TTBK1: variants seen among roughly 807,000 people sequenced by gnomAD.
The protein encoded by TTBK1 is tau-tubulin kinase 1.
A neutral mutation model predicts 108.5 loss-of-function variants in TTBK1; 34 were observed. That is an observed-to-expected ratio of 0.31 (90% confidence interval 0.24 to 0.42). The LOEUF (loss-of-function observed/expected upper bound fraction) is 0.42, where lower values mean the gene tolerates loss of function less well. Among genes scored for constraint, TTBK1 ranks in the 10% least tolerant of loss-of-function variants. TTBK1 has a pLI of 1.00. For synonymous variants in TTBK1, 809 were observed against 795.1 expected, an observed-to-expected ratio of 1.02 and a Z score of -0.29; for missense variants, 1,539 against 1,826.0, an observed-to-expected ratio of 0.84 and a Z score of 2.86.
chr6:43,254,212 C>A (rs1044235046), intron 5 of TTBK1, among the ~76,000 whole-genome samples: 1 of 152,252 alleles, frequency 6.6e-6, no homozygotes, highest in African/African-American at 2.4e-5. Context: ...GGCAGCCACA[C>A]CAGTTACACC....
At chr6:43,251,724 G>T (rs558253898) in intron 2 of TTBK1, among the ~76,000 whole-genome samples, 1 of 152,290 alleles carries the variant, frequency 6.6e-6, no homozygotes, top group East Asian at 1.9e-4. Context: ...GGGTCAGACC[G>T]CTGCTCCATT....
At position 43,279,448 on chromosome 6, in the gene TTBK1, G is replaced by C. The variant is rs538347570; in HGVS notation, c.1987-3279G>C. ...TGCTGGTGCCAGTTGGGTGAGTTCAGAGGTGGTTGGGAGAGAGACATGCTC... is the reference window on the plus strand; with the variant it reads ...TGCTGGTGCCAGTTGGGTGAGTTCACAGGTGGTTGGGAGAGAGACATGCTC... On this transcript the variant is annotated intron_variant, in intron 13 of 14. Transcript: ENST00000259750. 3.3e-5 allele frequency among the ~76,000 whole-genome samples: 5 copies of C among 152,288 alleles called. No individual in the cohort carries two copies. The South Asian group carries it at 1.0e-3, about 32-fold the overall frequency.
chr6:43,248,312 TC>T (rs1259358031), intron 2 of TTBK1, among the ~76,000 whole-genome samples: 1 of 152,026 alleles, frequency 6.6e-6, no homozygotes, highest in African/African-American at 2.4e-5. Context: ...TTCAGCCTGT[TC>T]CAAGTGAGGA....
chr6:43,247,321 C>T (rs960989616), intron 2 of TTBK1, among the ~76,000 whole-genome samples: 1 of 152,196 alleles, frequency 6.6e-6, no homozygotes, highest in Non-Finnish European at 1.5e-5. Context: ...TCCTCCAGCC[C>T]GGGGCTTCGG....
rs757208521 is a variant in TTBK1 at position 43,283,484 on chromosome 6, G to A, written c.2744G>A (p.Gly915Asp). Residue 915 changes from glycine (G) to aspartate (D), a missense_variant, in exon 14 of 15, where the codon GGC (glycine) becomes GAC (aspartate). Gly to Asp is a moderately conservative substitution (Grantham distance 94, BLOSUM62 -1). Coordinates refer to ENST00000259750, the MANE Select transcript of TTBK1 (RefSeq NM_032538.3). The surrounding 1 kb of genome is among the most constrained non-coding windows in gnomAD (Gnocchi z 8.1). ...GAGTVTTGVG[G>D]VAVTSSPFTK... ...GGGACAGTGACCACAGGGGTCGGGG[G>A]CGTGGCAGTCACCTCCTCACCCTTC... The A allele has an allele frequency of 1.2e-6, 2 of 1,614,138 alleles. No homozygotes were observed. The highest frequency in any genetic ancestry group is 2.2e-5 in the South Asian group (2 of 91,090).
chr6:43,245,656 T>A (rs1436297342), intron 1 of TTBK1, among the ~76,000 whole-genome samples: 1 of 152,092 alleles, frequency 6.6e-6, no homozygotes, highest in Non-Finnish European at 1.5e-5. Flanking sequence ...TGCCTGTCTT[T>A]CCCAACCCCC....
chr6:43,271,500 T>G (rs1181782953), intron 13 of TTBK1: 3 of 985,338 alleles, frequency 3.0e-6, no homozygotes, highest in Non-Finnish European at 3.6e-6. Context: ...CCTATGTAGC[T>G]ACTCTCATCC....
intron 2 of TTBK1, among the ~76,000 whole-genome samples, chr6:43,249,380 G>A (rs1777180162): frequency 6.6e-6 from 1 of 152,136 alleles, no homozygotes; most frequent in African/African-American, 2.4e-5. Context: ...GTGGAGAAAA[G>A]GGAGACTGAG....
intron 2 of TTBK1, among the ~76,000 whole-genome samples, chr6:43,250,472 T>C (rs1289368917): frequency 2.7e-5 from 4 of 148,998 alleles, no homozygotes; most frequent in Non-Finnish European, 5.9e-5. Context: ...TTCTCCTGCC[T>C]CAGCATCCCA....
Position 43,282,960 on chromosome 6 carries a change from A to AGATGAGGAAGAGGAAGAAGAG in TTBK1, c.2232_2252dup (p.Asp748_Glu754dup). ...AGGAGGAAGAGGAGGAGGAGGAGGA[A>AGATGAGGAAGAGGAAGAAGAG]GATGAGGAAGAGGAAGAAGAGGATG... On this transcript the variant is annotated inframe_insertion, in exon 14 of 15. Transcript: ENST00000259750. This position sits in a 1 kb window ranked among gnomAD's most constrained non-coding sequence, Gnocchi z 5.4. The AGATGAGGAAGAGGAAGAAGAG allele has an allele frequency of 1.9e-6, 3 of 1,606,530 alleles. No individual in the cohort carries two copies. Among genetic ancestry groups the AGATGAGGAAGAGGAAGAAGAG allele is most frequent in the Non-Finnish European group, 2.6e-6 (3 of 1,175,102 alleles).
Position 43,276,716 on chromosome 6 carries a change from A to T in TTBK1, c.1987-6011A>T, listed in dbSNP as rs1778009904. 6.6e-6 allele frequency among the ~76,000 whole-genome samples: 1 copy of T among 152,016 alleles called. No individual in the cohort carries two copies. The highest frequency in any genetic ancestry group is 1.5e-5 in the Non-Finnish European group (1 of 67,986). On this transcript the variant is annotated intron_variant, in intron 13 of 14. Transcript: ENST00000259750. This position sits in a 1 kb window ranked among gnomAD's most constrained non-coding sequence, Gnocchi z 5.4. ...CCTCCCCCTTCCTTTCCCAGCTCTC[A>T]GTGTAGACCCTGGCTCTGAGGTCGC...
chr6:43,246,575 C>G, intron 1 of TTBK1, 32 bp from the exon 2 acceptor site: 1 of 1,048,824 alleles, frequency 9.5e-7, no homozygotes, highest in East Asian at 2.6e-5. Flanking sequence ...GGGTCCGCAG[C>G]CCGCCCTCAC....
At chr6:43,279,754 GTTT>G (rs974825409) in intron 13 of TTBK1, among the ~76,000 whole-genome samples, 12 of 141,030 alleles carry the variant, frequency 8.5e-5, no homozygotes, top group African/African-American at 2.2e-4. Context: ...AGGGGACAAA[GTTT>G]TTTGTTGTTG....
In TTBK1 at chr6:43,246,729, C is replaced by G. The variant is rs1281997803; in HGVS notation, c.69C>G (p.Ile23Met). ...NMSGGGEQAD[I>M]LPANYVVKDR... ...GTGGGGGAGGGGAGCAGGCCGACAT[C>G]CTGCCGGCCAACTACGTGGTCAAGG... Residue 23 changes from isoleucine (I) to methionine (M), a missense_variant, in exon 2 of 15, where the codon ATC (isoleucine) becomes ATG (methionine). Around this residue, in one of 5 missense-constraint regions of TTBK1, gnomAD observed 45 missense variants for 38.0 expected, o/e 1.19. Coordinates refer to ENST00000259750, the MANE Select transcript of TTBK1 (RefSeq NM_032538.3). 6.2e-7 allele frequency: 1 copy of G among 1,611,606 alleles called. No homozygotes were observed. The highest frequency in any genetic ancestry group is 1.3e-5 in the African/African-American group (1 of 74,774).
rs1356995113 is a variant in TTBK1, at chr6:43,259,642, G to T, written c.1360G>T (p.Val454Leu). The T allele has an allele frequency of 1.9e-6, 3 of 1,609,998 alleles. No homozygotes were observed. Among genetic ancestry groups the T allele is most frequent in the East Asian group, 2.2e-5 (1 of 44,714 alleles). Reference sequence around the variant, plus strand: ...AGTCCGTTCTCTGCGCTACCGGAGGGTGAACAGCCCTGAGTCAGAAAGGCT... The same window carrying T: ...AGTCCGTTCTCTGCGCTACCGGAGGTTGAACAGCCCTGAGTCAGAAAGGCT... ...TPVRSLRYRR[V>L]NSPESERLST... Residue 454 changes from valine to leucine, a missense_variant, in exon 12 of 15, where the codon GTG becomes TTG. Val to Leu is a conservative substitution (Grantham distance 32). Around this residue, in one of 5 missense-constraint regions of TTBK1, gnomAD observed 277 missense variants for 332.4 expected, o/e 0.83. Transcript: ENST00000259750. This position sits in a 1 kb window ranked among gnomAD's most constrained non-coding sequence, Gnocchi z 6.7.
intron 13 of TTBK1, among the ~76,000 whole-genome samples, chr6:43,266,604 G>T (rs1338734746): frequency 1.3e-5 from 2 of 151,908 alleles, no homozygotes; most frequent in Non-Finnish European, 1.5e-5. Context: ...TTCCGTCTGA[G>T]GTCTGTGAAT....
chr6:43,250,869 C>T (rs562267190), intron 2 of TTBK1, among the ~76,000 whole-genome samples: 2 of 152,312 alleles, frequency 1.3e-5, no homozygotes, highest in South Asian at 4.1e-4. Context: ...CACAAGCAAA[C>T]CTTAAAGGAA....
At position 43,244,177 on chromosome 6, in the gene TTBK1, C is replaced by A. The variant is rs529254029; in HGVS notation, c.-55+469C>A. 3.3e-5 allele frequency among the ~76,000 whole-genome samples: 5 copies of A among 152,050 alleles called. 1 individual carries two copies. In the South Asian group the frequency reaches 1.0e-3, roughly 32 times the overall value. On this transcript the variant is annotated intron_variant, in intron 1 of 14. Transcript: ENST00000259750. ...TATCTCTCACGGGTCTCTATCCTAC[C>A]CACCCCTCTCCTCTGATCCTGTCGC...
rs1201190506 is a variant in TTBK1, at chr6:43,273,682, G to C, written c.1987-9045G>C. Among the ~76,000 whole-genome samples the C allele has an allele frequency of 1.3e-5, 2 of 152,206 alleles. No individual in the cohort carries two copies. Among genetic ancestry groups the C allele is most frequent in the Admixed American group, 1.3e-4 (2 of 15,286 alleles). ...GCAGGTTCAGGGACTGTGGTAAACA[G>C]GGGAACTCCCATGCCCATACCATCC... is the stretch of plus-strand genomic sequence containing the variant. On this transcript the variant is annotated intron_variant, in intron 13 of 14. Transcript: ENST00000259750. The surrounding 1 kb of genome is among the most constrained non-coding windows in gnomAD (Gnocchi z 4.2).
Sources: gnomAD v4.1 joint callset for allele counts (sites outside exome capture counted in the v4.1 genomes callset) on GRCh38, gnomAD v4.1.1 for gene constraint, gnomAD v4.1.1 regional missense constraint, Gnocchi (gnomAD v3.1) non-coding constraint, MANE v1.5 for transcripts, NCBI Gene and HGNC (gene_info 2026-07-23, HGNC 2026-07-21) for gene names.